EML4: variants seen among roughly 807,000 people sequenced by gnomAD.
The protein encoded by EML4 is EMAP like 4.
EML4 carries 72 observed loss-of-function variants against 129.0 expected under a neutral mutation model. That is an observed-to-expected ratio of 0.56 (90% CI 0.46 to 0.68). The LOEUF is 0.68. Among genes scored for constraint, EML4 ranks in the 30% least tolerant of loss-of-function variants. The pLI, the probability that EML4 is intolerant of heterozygous loss-of-function variation, is 0.00. For synonymous variants in EML4, 532 were observed against 405.0 expected, an observed-to-expected ratio of 1.31 and a Z score of -3.77; for missense variants, 1,363 against 1,190.6, an observed-to-expected ratio of 1.14 and a Z score of -2.13.
chr2:42,308,858 G>T (rs1668767810), intron 17 of EML4, among the ~76,000 whole-genome samples: 1 of 151,960 alleles, frequency 6.6e-6, no homozygotes, highest in Admixed American at 6.6e-5. Context: ...GTTTTGTGAT[G>T]AGCTTCTTTC....
At chr2:42,224,222 C>G (rs192428820) in intron 1 of EML4, among the ~76,000 whole-genome samples, 2 of 152,064 alleles carry the variant, frequency 1.3e-5, no homozygotes, top group Admixed American at 6.6e-5. Context: ...CTCCCAATCC[C>G]TATAGTTTTT....
intron 7 of EML4, among the ~76,000 whole-genome samples, chr2:42,282,582 A>G (rs985875466): frequency 1.3e-5 from 2 of 151,774 alleles, no homozygotes; most frequent in Non-Finnish European, 2.9e-5. Flanking sequence ...TTCTGTCGAG[A>G]TGGGGTCTCA....
At chr2:42,316,364 A>G (rs1459035230) in intron 18 of EML4, among the ~76,000 whole-genome samples, 1 of 152,220 alleles carries the variant, frequency 6.6e-6, no homozygotes, top group Admixed American at 6.5e-5. Context: ...GTATTAGGCT[A>G]AATGTCACAT....
At chr2:42,198,615 T>C (rs1672036633) in intron 1 of EML4, among the ~76,000 whole-genome samples, 1 of 152,200 alleles carries the variant, frequency 6.6e-6, no homozygotes, top group African/African-American at 2.4e-5. Flanking sequence ...TATTTCTACC[T>C]GAAGTCTGCT....
At chr2:42,260,765 G>T (rs1030657654) in intron 3 of EML4, among the ~76,000 whole-genome samples, 3 of 152,176 alleles carry the variant, frequency 2.0e-5, no homozygotes, top group Non-Finnish European at 4.4e-5. Context: ...TTTGGCATCA[G>T]TCGGTATGCT....
chr2:42,260,129 T>A (rs572629170), intron 3 of EML4, among the ~76,000 whole-genome samples: 34 of 151,698 alleles, frequency 2.2e-4, no homozygotes, highest in Admixed American at 5.9e-4. Flanking sequence ...CCTCGCAAAG[T>A]ACTGGGATTA....
rs76974050 is a variant in EML4 at position 42,288,048 on chromosome 2, A to G, written c.1123-179A>G. 1.7e-3 allele frequency among the ~76,000 whole-genome samples: 260 copies of G among 152,282 alleles called. 6 individuals are homozygous for G. In the East Asian group the frequency reaches 0.038, roughly 23 times the overall value. On this transcript the variant is annotated intron_variant, in intron 10 of 22. Coordinates refer to ENST00000318522, the MANE Select transcript of EML4 (RefSeq NM_019063.5). ...TAGAATATTTTGTAAAAGAATCTTT[A>G]TATTTTTGAGGAAAATACAATTGTA... is the stretch of plus-strand genomic sequence containing the variant.
chr2:42,182,190 G>A (rs1461699028), intron 1 of EML4, among the ~76,000 whole-genome samples: 1 of 146,982 alleles, frequency 6.8e-6, no homozygotes, highest in Non-Finnish European at 1.5e-5. Context: ...TAAGTTTTAG[G>A]GTACATGTGC....
At chr2:42,292,624 G>C (rs562590063) in intron 11 of EML4, among the ~76,000 whole-genome samples, 113 of 152,326 alleles carry the variant, frequency 7.4e-4, no homozygotes, top group African/African-American at 2.5e-3. Context: ...ATAGTGACTG[G>C]AAAGGGGATC....
chr2:42,245,846 ATTCT>A (rs1208203254), intron 2 of EML4, among the ~76,000 whole-genome samples, 159 bp downstream of exon 2: 2 of 152,146 alleles, frequency 1.3e-5, no homozygotes, highest in Non-Finnish European at 2.9e-5. Flanking sequence ...CTGAAAGTTT[ATTCT>A]TTATTATTTA....
At chr2:42,321,118 T>C (rs568915921) in intron 19 of EML4, among the ~76,000 whole-genome samples, 11 of 152,162 alleles carry the variant, frequency 7.2e-5, no homozygotes, top group African/African-American at 2.6e-4. Context: ...GTGCTGTGGC[T>C]CACACTTGTA....
intron 1 of EML4, among the ~76,000 whole-genome samples, chr2:42,180,523 A>G (rs186800470): frequency 4.5e-4 from 68 of 152,254 alleles, no homozygotes; most frequent in Non-Finnish European, 6.5e-4. Flanking sequence ...AGCTTGTTTT[A>G]GTCATTTCTT....
chr2:42,194,112 C>T (rs1230916472), intron 1 of EML4, among the ~76,000 whole-genome samples: 1 of 151,900 alleles, frequency 6.6e-6, no homozygotes, highest in Non-Finnish European at 1.5e-5. Flanking sequence ...TTTTTATAGC[C>T]TATATAAATA....
At chr2:42,178,710 G>T (rs1003014505) in intron 1 of EML4, among the ~76,000 whole-genome samples, 3 of 152,170 alleles carry the variant, frequency 2.0e-5, no homozygotes, top group Non-Finnish European at 2.9e-5. Flanking sequence ...GGAGTTGTCT[G>T]TGTCTTGACT....
At chr2:42,261,067 T>A (rs1217114735) in intron 3 of EML4, 54 bp from the exon 4 acceptor site, 1 of 1,340,092 alleles carries the variant, frequency 7.5e-7, no homozygotes, top group Non-Finnish European at 1.0e-6. Flanking sequence ...TATCGTTTGA[T>A]TTTTTTTCAT....
At chr2:42,219,155 C>G (rs1279180827) in intron 1 of EML4, among the ~76,000 whole-genome samples, 1 of 152,170 alleles carries the variant, frequency 6.6e-6, no homozygotes, top group African/African-American at 2.4e-5. Context: ...TTAATTGTAG[C>G]AGAAACGGCA....
intron 1 of EML4, among the ~76,000 whole-genome samples, chr2:42,215,173 C>T (rs1393916230): frequency 3.9e-5 from 6 of 152,180 alleles, no homozygotes; most frequent in Non-Finnish European, 8.8e-5. Context: ...GATCCTCACA[C>T]TGCAGCCCCC....
chr2:42,304,440 G>C (rs1161944333), intron 16 of EML4, 44 bp from the exon 17 acceptor site: 4 of 1,516,724 alleles, frequency 2.6e-6, no homozygotes, highest in Non-Finnish European at 3.7e-6. Flanking sequence ...CCCATAGGGA[G>C]ACTTTCTCAT....
chr2:42,194,636 A>G (rs1671795162), intron 1 of EML4, among the ~76,000 whole-genome samples: 1 of 151,664 alleles, frequency 6.6e-6, no homozygotes, highest in South Asian at 2.1e-4. Context: ...TCAGCCTCCC[A>G]AGTAGCTGGG....
Sources: allele counts gnomAD v4.1 joint callset (sites outside exome capture counted in the v4.1 genomes callset), GRCh38; gene constraint gnomAD v4.1.1; transcripts MANE v1.5; gene names NCBI Gene and HGNC (gene_info 2026-07-23, HGNC 2026-07-21).